Variants in KANK1 observed in about 807,000 individuals in gnomAD.
KANK1 encodes KN motif and ankyrin repeat domains 1.
Under a neutral mutation model 106.2 loss-of-function variants are expected in KANK1, and 109 were observed. The ratio of observed to expected loss-of-function variants is 1.03; its 90% CI spans 0.88 to 1.20. The LOEUF (loss-of-function observed/expected upper bound fraction) is 1.20. Among genes scored for constraint, KANK1 ranks in the 50% most tolerant of loss-of-function variants. The pLI is 0.00. For synonymous variants in KANK1, 873 were observed against 652.2 expected (o/e 1.34, Z -5.16); for missense variants, 2,399 against 1,710.7 (o/e 1.40, Z -7.10).
chr9:489,281 C>T (rs1473858888), intron 3 of KANK1, among the ~76,000 whole-genome samples: 1 of 152,062 alleles, frequency 6.6e-6, no homozygotes, highest in Non-Finnish European at 1.5e-5. Flanking sequence ...CCTTTCTGAT[C>T]GTTTTGCCAA....
intron 3 of KANK1, among the ~76,000 whole-genome samples, chr9:483,828 G>A (rs550527737): frequency 6.6e-6 from 1 of 152,136 alleles, no homozygotes; most frequent in Non-Finnish European, 1.5e-5. Flanking sequence ...TAAATGCAAA[G>A]GCCTTTCAGA....
At chr9:508,355 T>C (rs528956653) in intron 1 of KANK1, among the ~76,000 whole-genome samples, 13 of 152,154 alleles carry the variant, frequency 8.5e-5, no homozygotes, top group African/African-American at 2.6e-4. Flanking sequence ...CAGGCTGGTC[T>C]CGAACTCCCG....
chr9:649,399 G>T (rs578140785), intron 1 of KANK1, among the ~76,000 whole-genome samples: 2 of 152,220 alleles, frequency 1.3e-5, no homozygotes, highest in East Asian at 3.9e-4. Context: ...AAGCATAGAA[G>T]AAAATTAAAT....
intron 8 of KANK1, among the ~76,000 whole-genome samples, chr9:740,223 G>T (rs1835041830): frequency 6.6e-6 from 1 of 152,114 alleles, no homozygotes. Context: ...CTGTTAAGGG[G>T]ACTTAACTGC....
chr9:640,916 T>A (rs925836243), intron 1 of KANK1, among the ~76,000 whole-genome samples: 1 of 151,368 alleles, frequency 6.6e-6, no homozygotes, highest in African/African-American at 2.4e-5. Flanking sequence ...CAGGATGGTC[T>A]CGATCTCCTG....
Position 587,240 on chromosome 9 carries a change from A to G in KANK1, c.-84+82486A>G, listed in dbSNP as rs1470690652. On this transcript the variant is annotated intron_variant, in intron 1 of 11. Transcript: ENST00000382297. ...GTACGAATCTGTTCCCTAGTCTTTT[A>G]TGCTCCAATGATCTGTTCAGACTGC... is the stretch of plus-strand genomic sequence containing the variant. Among the ~76,000 whole-genome samples the G allele has an allele frequency of 3.3e-5, 5 of 152,102 alleles. 1 individual carries two copies. Among genetic ancestry groups the G allele is most frequent in the Non-Finnish European group, 7.4e-5 (5 of 68,020 alleles).
intron 2 of KANK1, among the ~76,000 whole-genome samples, chr9:691,607 C>G (rs1434320056): frequency 1.6e-5 from 1 of 61,070 alleles, no homozygotes; most frequent in Non-Finnish European, 3.5e-5. Context: ...TAAATAATAC[C>G]AGAATTTTTT....
chr9:713,813 A>C (rs1337750913), intron 3 of KANK1, among the ~76,000 whole-genome samples: 1 of 57,336 alleles, frequency 1.7e-5, no homozygotes, highest in Non-Finnish European at 4.5e-5. Context: ...AACTGCCTTT[A>C]AAAAATCCTA....
intron 7 of KANK1, among the ~76,000 whole-genome samples, chr9:736,446 G>A (rs867798786): frequency 1.7e-4 from 26 of 152,152 alleles, no homozygotes; most frequent in African/African-American, 5.8e-4. Context: ...GCTCACACCT[G>A]TAATCCCAGC....
intron 1 of KANK1, among the ~76,000 whole-genome samples, chr9:545,526 G>C (rs567251565): frequency 6.3e-4 from 96 of 152,180 alleles, no homozygotes; most frequent in African/African-American, 2.3e-3. Context: ...ACCTGCAAAG[G>C]AGACTGAGGA....
At chr9:695,561 T>G (rs891392273) in intron 2 of KANK1, among the ~76,000 whole-genome samples, 1 of 151,444 alleles carries the variant, frequency 6.6e-6, no homozygotes, top group Non-Finnish European at 1.5e-5. Flanking sequence ...TTAGCAGACT[T>G]ACTTGGTCTT....
intron 3 of KANK1, among the ~76,000 whole-genome samples, chr9:723,648 T>C (rs1446028704): frequency 1.3e-5 from 2 of 151,656 alleles, no homozygotes; most frequent in Non-Finnish European, 2.9e-5. Context: ...GTGCATTTTA[T>C]TGTCTATAAA....
At chr9:572,483 T>G (rs969060851) in intron 1 of KANK1, among the ~76,000 whole-genome samples, 8 of 151,574 alleles carry the variant, frequency 5.3e-5, no homozygotes, top group African/African-American at 1.9e-4. Flanking sequence ...ACCTGGGAGG[T>G]GGAGCTTGCA....
In KANK1 at chr9:666,037, C is replaced by G. The variant is rs969566113; in HGVS notation, c.-83-10853C>G. ...TCTAAAAAAAAATCAAAATATTAGC[C>G]AGACGTGGTGGCATGTGCCTGTGGT... On this transcript the variant is annotated intron_variant, in intron 1 of 11. Coordinates refer to ENST00000382297, the MANE Select transcript of KANK1 (RefSeq NM_015158.5). Among the ~76,000 whole-genome samples, 6 of 152,138 alleles carry G rather than the reference C, an allele frequency of 3.9e-5. No individual in the cohort carries two copies. The South Asian group carries it at 1.2e-3, about 32-fold the overall frequency.
chr9:604,554 G>A (rs996172041), intron 1 of KANK1, among the ~76,000 whole-genome samples: 16 of 151,768 alleles, frequency 1.1e-4, no homozygotes, highest in African/African-American at 3.9e-4. Context: ...TTTCCTGGCC[G>A]GGTGCAGTGG....
At chr9:618,135 C>T (rs1168018119) in intron 1 of KANK1, among the ~76,000 whole-genome samples, 1 of 152,194 alleles carries the variant, frequency 6.6e-6, no homozygotes, top group Non-Finnish European at 1.5e-5. Context: ...ACAAAATATA[C>T]AGGTTAAAGC....
rs150892013 is a variant in KANK1, at chr9:701,760, C to A, written c.38-9044C>A. 3.0e-3 allele frequency among the ~76,000 whole-genome samples: 455 copies of A among 152,296 alleles called. 6 individuals carry two copies. The highest frequency in any genetic ancestry group is 0.01 in the African/African-American group (431 of 41,554). ...AAGCAGGTTAGTACTCGACTAGTTT[C>A]CTGCGATCTAATCTTCTTCCTGGTG... On this transcript the variant is annotated intron_variant, in intron 2 of 11. Transcript: ENST00000382297.
chr9:547,326 T>C (rs1406237120), intron 1 of KANK1: 1 of 152,230 alleles, frequency 6.6e-6, no homozygotes, highest in Non-Finnish European at 1.5e-5. Flanking sequence ...CACAGAACTG[T>C]CTCGGAAAGC....
At chr9:596,662 C>T (rs150919930) in intron 1 of KANK1, among the ~76,000 whole-genome samples, 1 of 151,880 alleles carries the variant, frequency 6.6e-6, no homozygotes, top group African/African-American at 2.4e-5. Flanking sequence ...TGAAGTCCAC[C>T]ATCATTACTT....
Sources: gnomAD v4.1 joint callset for allele counts (sites outside exome capture counted in the v4.1 genomes callset) on GRCh38, gnomAD v4.1.1 for gene constraint, MANE v1.5 for transcripts, NCBI Gene and HGNC (gene_info 2026-07-23, HGNC 2026-07-21) for gene names.